KCNIP4: variants seen among roughly 807,000 people sequenced by gnomAD.
KCNIP4 encodes Kv channel-interacting protein 4.
In KCNIP4, 12 loss-of-function variants were observed where a neutral mutation model predicts 34.0. That is an observed-to-expected ratio of 0.35 (90% CI 0.23 to 0.57). The LOEUF (loss-of-function observed/expected upper bound fraction) is 0.57. Among genes scored for constraint, KCNIP4 ranks in the 20% least tolerant of loss-of-function variants. The probability of loss-of-function intolerance (pLI) is 0.83; values close to 1 mark genes in which losing one functional copy is unlikely to be tolerated. For missense variants in KCNIP4, 238 were observed against 311.7 expected (o/e 0.76, Z 1.78); for synonymous variants, 124 against 102.2 (o/e 1.21, Z -1.29).
chr4:21,085,306 A>G (rs1158318008), intron 1 of KCNIP4, among the ~76,000 whole-genome samples: 1 of 152,158 alleles, frequency 6.6e-6, no homozygotes, highest in Admixed American at 6.6e-5. Context: ...AAACCCAATC[A>G]TATTGGCACC....
intron 1 of KCNIP4, among the ~76,000 whole-genome samples, chr4:21,451,924 G>A (rs186470456): frequency 4.6e-4 from 70 of 152,232 alleles, no homozygotes; most frequent in African/African-American, 1.7e-3. Flanking sequence ...CATTCAAGAT[G>A]ATTGGAGATT....
At chr4:20,921,444 G>T (rs1729381924) in intron 1 of KCNIP4, among the ~76,000 whole-genome samples, 1 of 152,170 alleles carries the variant, frequency 6.6e-6, no homozygotes, top group South Asian at 2.1e-4. Context: ...TGTAAAATAG[G>T]TAGATATGCA....
intron 1 of KCNIP4, among the ~76,000 whole-genome samples, chr4:20,925,175 C>A (rs566999481): frequency 6.6e-6 from 1 of 152,130 alleles, no homozygotes; most frequent in Admixed American, 6.5e-5. Context: ...CATACCCGCT[C>A]GGTGAGGGTA....
At chr4:21,899,440 A>T (rs1043836026) in intron 1 of KCNIP4, among the ~76,000 whole-genome samples, 1 of 152,164 alleles carries the variant, frequency 6.6e-6, no homozygotes, top group African/African-American at 2.4e-5. Context: ...TAGGTAGAGC[A>T]ATTAGACAAG....
intron 1 of KCNIP4, among the ~76,000 whole-genome samples, chr4:21,030,111 G>A (rs1207671655): frequency 1.3e-5 from 2 of 152,188 alleles, no homozygotes; most frequent in African/African-American, 2.4e-5. Flanking sequence ...ACAGTAAGAG[G>A]TGAGTAGCAG....
At position 20,967,330 on chromosome 4, in the gene KCNIP4, A is replaced by G. The variant is rs138274467; in HGVS notation, c.62-84621T>C. Among the ~76,000 whole-genome samples the G allele has an allele frequency of 3.8e-3, 580 of 152,328 alleles. 4 individuals carry two copies. Among genetic ancestry groups the G allele is most frequent in the African/African-American group, 0.013 (541 of 41,564 alleles). ...CCATGCTCATGGATAGGAAGAATCA[A>G]TATCGTGAAAATGGCCATACTGCCC... On this transcript the variant is annotated intron_variant, in intron 1 of 8. Coordinates refer to ENST00000382152, the MANE Select transcript of KCNIP4 (RefSeq NM_025221.6).
rs532048789 is a variant in KCNIP4 at position 21,937,400 on chromosome 4, G to A, written c.61+11171C>T. Among the ~76,000 whole-genome samples, 15 of 151,908 alleles carry A rather than the reference G, an allele frequency of 9.9e-5. No homozygotes were observed. In the South Asian group the frequency reaches 2.3e-3, roughly 23 times the overall value. On this transcript the variant is annotated intron_variant, in intron 1 of 8. Coordinates refer to ENST00000382152, the MANE Select transcript of KCNIP4 (RefSeq NM_025221.6). ...CCACTGCCTTTACCCTTGTTCAAAC[G>A]TTTGTTTTCTCTTGCCTAGACTAAT...
intron 5 of KCNIP4, among the ~76,000 whole-genome samples, chr4:20,742,801 T>C (rs1406419755): frequency 6.6e-6 from 1 of 152,164 alleles, no homozygotes; most frequent in African/African-American, 2.4e-5. Flanking sequence ...GACATGATTG[T>C]ATATTTAGAA....
chr4:21,438,939 G>T (rs983438547), intron 1 of KCNIP4, among the ~76,000 whole-genome samples: 2 of 152,232 alleles, frequency 1.3e-5, no homozygotes, highest in Middle Eastern at 3.4e-3. Flanking sequence ...GAGGTGGGCA[G>T]ATCACGAGGT....
chr4:21,032,785 T>TGGCTTGTG (rs11281637), intron 1 of KCNIP4, among the ~76,000 whole-genome samples: 152,097 of 152,214 alleles, frequency 1, 75,990 homozygotes, highest in Middle Eastern at 1. Flanking sequence ...TGATACAGGC[T>TGGCTTGTG]AAGCAACGAG....
intron 1 of KCNIP4, among the ~76,000 whole-genome samples, chr4:21,652,810 T>C (rs1333337858): frequency 2.6e-5 from 4 of 152,304 alleles, no homozygotes; most frequent in South Asian, 2.1e-4. Context: ...TAATTGGATG[T>C]AGAGCCACCG....
intron 3 of KCNIP4, among the ~76,000 whole-genome samples, chr4:20,828,410 A>T (rs1461601545): frequency 6.6e-6 from 1 of 152,254 alleles, no homozygotes; most frequent in Non-Finnish European, 1.5e-5. Context: ...CTGGCGACAG[A>T]GCAAGACTCC....
At chr4:21,584,044 A>G (rs1741432270) in intron 1 of KCNIP4, among the ~76,000 whole-genome samples, 1 of 152,052 alleles carries the variant, frequency 6.6e-6, no homozygotes, top group African/African-American at 2.4e-5. Flanking sequence ...TAAGATTTAT[A>G]TTACAAGTAA....
At chr4:21,194,847 A>C (rs1755942382) in intron 1 of KCNIP4, among the ~76,000 whole-genome samples, 2 of 152,216 alleles carry the variant, frequency 1.3e-5, no homozygotes, top group Non-Finnish European at 2.9e-5. Context: ...AGGAATAAAC[A>C]GCTGTCATGT....
chr4:21,613,116 C>T lies in KCNIP4; in HGVS notation c.61+335455G>A, dbSNP rs189313430. Among the ~76,000 whole-genome samples the T allele has an allele frequency of 9.9e-5, 15 of 152,190 alleles. No individual in the cohort carries two copies. The East Asian group carries it at 2.9e-3, about 29-fold the overall frequency. Reference sequence around the variant, plus strand: ...CATGAGGGAGTAATTGATATTTCTCCCATAATCCAGTGTATTCATTATGGT... The same window carrying T: ...CATGAGGGAGTAATTGATATTTCTCTCATAATCCAGTGTATTCATTATGGT... On this transcript the variant is annotated intron_variant, in intron 1 of 8. Transcript: ENST00000382152.
At chr4:21,810,815 A>G (rs1721605990) in intron 1 of KCNIP4, among the ~76,000 whole-genome samples, 1 of 152,166 alleles carries the variant, frequency 6.6e-6, no homozygotes. Flanking sequence ...TATTCCCCAA[A>G]GAGAGGCAAT....
At chr4:21,012,500 A>C (rs936491026) in intron 1 of KCNIP4, among the ~76,000 whole-genome samples, 1 of 152,218 alleles carries the variant, frequency 6.6e-6, no homozygotes, top group Non-Finnish European at 1.5e-5. Flanking sequence ...CTAGGAGGTC[A>C]AAGTTTCAGT....
At chr4:21,508,145 T>G (rs770156774) in intron 1 of KCNIP4, among the ~76,000 whole-genome samples, 13 of 152,326 alleles carry the variant, frequency 8.5e-5, no homozygotes, top group South Asian at 2.1e-4. Context: ...TTGCAAAAAC[T>G]AACTAGGAAC....
At chr4:21,533,449 T>C (rs1409938917) in intron 1 of KCNIP4, among the ~76,000 whole-genome samples, 3 of 152,084 alleles carry the variant, frequency 2.0e-5, no homozygotes, top group Non-Finnish European at 4.4e-5. Context: ...CCAGAACCAA[T>C]AGCTTGTCTA....
Sources: allele counts gnomAD v4.1 joint callset (sites outside exome capture counted in the v4.1 genomes callset), GRCh38; gene constraint gnomAD v4.1.1; transcripts MANE v1.5; gene names NCBI Gene and HGNC (gene_info 2026-07-23, HGNC 2026-07-21).